PXN: variants seen among roughly 807,000 people sequenced by gnomAD.
PXN encodes paxillin.
Under a neutral mutation model 103.6 loss-of-function variants are expected in PXN, and 61 were observed. That is an observed-to-expected ratio of 0.59 (90% CI 0.48 to 0.73). The LOEUF is 0.73. Ranked by LOEUF, PXN falls within the 30% of genes least tolerant of loss-of-function variation. PXN has a pLI of 0.00. For missense variants in PXN, 1,274 were observed against 1,460.3 expected, an observed-to-expected ratio of 0.87 and a Z score of 2.08; for synonymous variants, 562 against 607.8, an observed-to-expected ratio of 0.92 and a Z score of 1.11.
intron 1 of PXN, among the ~76,000 whole-genome samples, chr12:120,242,834 T>A (rs1890386087): frequency 1.3e-5 from 2 of 151,110 alleles, no homozygotes; most frequent in African/African-American, 4.9e-5. Context: ...TGAGCCAAGA[T>A]TATGCCACTG....
chr12:120,230,183 A>C (rs3888586), intron 1 of PXN, among the ~76,000 whole-genome samples: 1 of 152,080 alleles, frequency 6.6e-6, no homozygotes, highest in Non-Finnish European at 1.5e-5. Flanking sequence ...AAGGAGCAGC[A>C]AGCACCGCCC....
At chr12:120,251,900 T>C (rs548938100) in intron 1 of PXN, among the ~76,000 whole-genome samples, 2 of 152,110 alleles carry the variant, frequency 1.3e-5, no homozygotes, top group Non-Finnish European at 2.9e-5. Context: ...TTGTCAAGAT[T>C]ATCCCAAGAA....
rs772703333 is a variant in PXN, at chr12:120,215,434, G to A, written c.2403+126C>T. 42 of 1,454,764 alleles carry A rather than the reference G, an allele frequency of 2.9e-5. No individual in the cohort carries two copies. In the Middle Eastern group the frequency reaches 5.4e-4, roughly 19 times the overall value. 90.1% of individuals were successfully genotyped at this position (1,454,764 alleles called of 1,614,324 possible). A position where few individuals can be genotyped will look rare whatever the true frequency, so the allele number is the denominator to read the frequency against. On this transcript the variant is annotated intron_variant, in intron 10 of 14. Transcript: ENST00000637617. This position sits in a 1 kb window ranked among gnomAD's most constrained non-coding sequence, Gnocchi z 4.9. Reference sequence around the variant, plus strand: ...CCAGGAGCCCTAAAGTGGGAGTGACGTCAGCAGGACTCCTGGTGGTCGGAG... The same window carrying A: ...CCAGGAGCCCTAAAGTGGGAGTGACATCAGCAGGACTCCTGGTGGTCGGAG...
intron 1 of PXN, among the ~76,000 whole-genome samples, chr12:120,258,154 T>C (rs567502388): frequency 5.6e-4 from 84 of 151,148 alleles, no homozygotes; most frequent in Admixed American, 1.9e-3. Context: ...GATCACACCA[T>C]TGCACTCCAG....
chr12:120,219,373 G>C lies in PXN; in HGVS notation c.1550C>G (p.Thr517Ser). The C allele has an allele frequency of 6.3e-7, 1 of 1,598,464 alleles. No homozygotes were observed. The highest frequency in any genetic ancestry group is 8.5e-7 in the Non-Finnish European group (1 of 1,179,808). The change falls in exon 7 of 15, where the codon ACC becomes AGC. Residue 517 changes from threonine to serine, a missense_variant. Around this residue, in one of 2 missense-constraint regions of PXN, gnomAD observed 1,178 missense variants for 1,309.0 expected, o/e 0.90. Coordinates refer to ENST00000637617, the MANE Select transcript of PXN (RefSeq NM_001385981.1). The surrounding 1 kb of genome is among the most constrained non-coding windows in gnomAD (Gnocchi z 6.5). ...VTTEQLGAKM[T>S]ERGSVARPTQ... Reference sequence around the variant, plus strand: ...TGGCCTGGCCACACTTCCCCTCTCGGTCATCTTTGCACCTAGCTGCTCCGT... The same window carrying C: ...TGGCCTGGCCACACTTCCCCTCTCGCTCATCTTTGCACCTAGCTGCTCCGT...
chr12:120,223,934 A>G, intron 2 of PXN, 101 bp from the exon 3 acceptor site: 1 of 966,288 alleles, frequency 1.0e-6, no homozygotes, highest in Non-Finnish European at 1.6e-6. Context: ...GCCCACAGCC[A>G]GTCTCACCAG....
rs1490545294 is a variant in PXN at position 120,214,641 on chromosome 12, C to T, written c.2748+184G>A. The stretch of plus-strand genomic sequence containing the variant: ...GGAGGTGAAGGGAGGTGGGGCTGCC[C>T]GATGCACATCGGGACAGGCTGTGGT... On this transcript the variant is annotated intron_variant, in intron 12 of 14. Coordinates refer to ENST00000637617, the MANE Select transcript of PXN (RefSeq NM_001385981.1). This position sits in a 1 kb window ranked among gnomAD's most constrained non-coding sequence, Gnocchi z 5.0. 6.6e-6 allele frequency among the ~76,000 whole-genome samples: 1 copy of T among 152,082 alleles called. No individual in the cohort carries two copies. The highest frequency in any genetic ancestry group is 1.5e-5 in the Non-Finnish European group (1 of 68,010).
rs1489453053 is a variant in PXN at position 120,211,075 on chromosome 12, A to C, written c.*1239T>G. 1 of 152,386 alleles carries C rather than the reference A, an allele frequency of 6.6e-6. No homozygotes were observed. The highest frequency in any genetic ancestry group is 1.5e-5 in the Non-Finnish European group (1 of 68,168). 9.4% of individuals were successfully genotyped at this position (152,386 alleles called of 1,614,324 possible). On this transcript the variant is annotated 3_prime_UTR_variant, in exon 15 of 15. Coordinates refer to ENST00000637617, the MANE Select transcript of PXN (RefSeq NM_001385981.1). The stretch of plus-strand genomic sequence containing the variant: ...CAGCTTTCCTGAGAAGGCAGAAGAG[A>C]GAGCCCCATAGAAGCAGTGGGGGCT...
intron 1 of PXN, among the ~76,000 whole-genome samples, chr12:120,257,851 C>T (rs1465652439): frequency 1.3e-5 from 2 of 152,176 alleles, no homozygotes; most frequent in Non-Finnish European, 2.9e-5. Flanking sequence ...CATCTCCTCC[C>T]CGCCCACAGG....
chr12:120,255,203 G>C (rs1232215242), intron 1 of PXN, among the ~76,000 whole-genome samples: 6 of 152,192 alleles, frequency 3.9e-5, no homozygotes, highest in African/African-American at 1.4e-4. Context: ...AAAACAAGGA[G>C]TTCAGAGAAA....
At position 120,223,016 on chromosome 12, in the gene PXN, AAAG is replaced by A. The variant is rs1885664290; in HGVS notation, c.357-20_357-18del. On this transcript the variant is annotated intron_variant, in intron 3 of 14. Transcript: ENST00000637617. Reference sequence around the variant, plus strand: ...TTGGGGAAGCTTTGAGAGGCAAAGGAAAGAAGATAGTGAGAGATGCTTTCTGGC... The same window carrying A: ...TTGGGGAAGCTTTGAGAGGCAAAGGAAAGATAGTGAGAGATGCTTTCTGGC... 6.2e-7 allele frequency: 1 copy of A among 1,613,786 alleles called. No individual in the cohort carries two copies. The highest frequency in any genetic ancestry group is 1.3e-5 in the African/African-American group (1 of 74,882).
chr12:120,215,499 G>C lies in PXN; in HGVS notation c.2403+61C>G. 1 of 1,518,174 alleles carries C rather than the reference G, an allele frequency of 6.6e-7. No homozygotes were observed. The allele number at this position is 1,518,174 out of a possible 1,614,324, so 94.0% of individuals were successfully genotyped here. ...CGGAAAGGCTGAGGGCACCCAGCAG[G>C]CATGGCCAAGCCCAGGGAGAGCACG... On this transcript the variant is annotated intron_variant, in intron 10 of 14. Transcript: ENST00000637617. This position sits in a 1 kb window ranked among gnomAD's most constrained non-coding sequence, Gnocchi z 4.9.
intron 1 of PXN, chr12:120,248,771 G>A (rs1030116394): frequency 1.3e-5 from 2 of 152,200 alleles, no homozygotes; most frequent in East Asian, 1.9e-4. Flanking sequence ...GCTGTTGTGA[G>A]GAAATGATAA....
intron 1 of PXN, among the ~76,000 whole-genome samples, chr12:120,236,244 C>T (rs1017045770): frequency 1.3e-5 from 2 of 152,260 alleles, no homozygotes. Context: ...TCGACCCTGA[C>T]GTGCAATCTG....
chr12:120,221,900 G>A lies in PXN; in HGVS notation c.696-142C>T, dbSNP rs750278579. 7.7e-7 allele frequency: 1 copy of A among 1,296,728 alleles called. No individual in the cohort carries two copies. The highest frequency in any genetic ancestry group is 1.0e-6 in the Non-Finnish European group (1 of 971,792). The allele number at this position is 1,296,728 out of a possible 1,614,324, so 80.3% of individuals were successfully genotyped here. A position where few individuals can be genotyped will look rare whatever the true frequency, so the allele number is the denominator to read the frequency against. On this transcript the variant is annotated intron_variant, in intron 5 of 14. Transcript: ENST00000637617. This position sits in a 1 kb window ranked among gnomAD's most constrained non-coding sequence, Gnocchi z 6.6. Reference sequence around the variant, plus strand: ...TCCACCAGCTCCCTGTCTCTCCTGGGGACCCATCACTGGGTCAGAAGAAAG... The same window carrying A: ...TCCACCAGCTCCCTGTCTCTCCTGGAGACCCATCACTGGGTCAGAAGAAAG...
rs147801817 is a variant in PXN, at chr12:120,216,875, C to T, written c.1958G>A (p.Arg653His). 5.6e-3 allele frequency: 8,500 copies of T among 1,505,426 alleles called. 27 individuals carry two copies. Among genetic ancestry groups the T allele is most frequent in the Middle Eastern group, 0.013 (72 of 5,760 alleles). The allele number at this position is 1,505,426 out of a possible 1,614,324, so 93.3% of individuals were successfully genotyped here. The change falls in exon 8 of 15, where the codon CGT (arginine) becomes CAT (histidine). Residue 653 changes from arginine to histidine, a missense_variant. By Grantham distance (29) the Arg-to-His change is conservative (BLOSUM62 0). Around this residue, in one of 2 missense-constraint regions of PXN, gnomAD observed 1,178 missense variants for 1,309.0 expected, o/e 0.90. Transcript: ENST00000637617. This position sits in a 1 kb window ranked among gnomAD's most constrained non-coding sequence, Gnocchi z 5.1. ...TEGVIITVQP[R>H]GKRAGGQLVE... is the part of the protein sequence containing the mutation. ...GAGCTGCCCCCCGGCCCGCTTCCCACGTGGCTGCACAGTGATGATGACGCC... is the reference window on the plus strand; with the variant it reads ...GAGCTGCCCCCCGGCCCGCTTCCCATGTGGCTGCACAGTGATGATGACGCC...
Position 120,265,418 on chromosome 12 carries a change from C to A in PXN, c.13+199G>T, listed in dbSNP as rs1470811979. 6.6e-6 allele frequency among the ~76,000 whole-genome samples: 1 copy of A among 151,962 alleles called. No homozygotes were observed. Among genetic ancestry groups the A allele is most frequent in the Admixed American group, 6.5e-5 (1 of 15,280 alleles). ...AGACGGGGGGTCGCTGCTGTGCGGT[C>A]GGTGCCGGGGCCGGCCTGGCCCGAG... On this transcript the variant is annotated intron_variant, in intron 1 of 14. Transcript: ENST00000637617. The surrounding 1 kb of genome is among the most constrained non-coding windows in gnomAD (Gnocchi z 5.7).
In PXN at chr12:120,213,983, G is replaced by A. The variant is rs769875396; in HGVS notation, c.2838C>T (p.His946=). 13 of 1,611,978 alleles carry A rather than the reference G, an allele frequency of 8.1e-6. No individual in the cohort carries two copies. The African/African-American group carries it at 1.1e-4, about 13-fold the overall frequency. ...CGAFFGPEGF[H]EKDGKAYCRK... ...GACAGTAGGCCTTGCCGTCCTTCTC[G>A]TGGAACCCTGGGGAGCGGGGGTTTT... Residue 946 remains histidine (H), a synonymous_variant, in exon 14 of 15, where the codon CAC becomes CAT. Coordinates refer to ENST00000637617, the MANE Select transcript of PXN (RefSeq NM_001385981.1). This position sits in a 1 kb window ranked among gnomAD's most constrained non-coding sequence, Gnocchi z 4.2.
At chr12:120,261,581 C>T (rs374751157) in intron 1 of PXN, among the ~76,000 whole-genome samples, 11 of 152,060 alleles carry the variant, frequency 7.2e-5, no homozygotes, top group Admixed American at 2.6e-4. Flanking sequence ...ATCTCTGGAG[C>T]GAGGTAAAGA....
Sources: gnomAD v4.1 joint callset for allele counts (sites outside exome capture counted in the v4.1 genomes callset) on GRCh38, gnomAD v4.1.1 for gene constraint, gnomAD v4.1.1 regional missense constraint, Gnocchi (gnomAD v3.1) non-coding constraint, MANE v1.5 for transcripts, NCBI Gene and HGNC (gene_info 2026-07-23, HGNC 2026-07-21) for gene names.